The following GFRA1 variants were observed in gnomAD, a reference collection of about 807,000 sequenced individuals.
The protein encoded by GFRA1 is GDNF family receptor alpha 1, also known as GDNF family receptor alpha-1.
In GFRA1, 16 loss-of-function variants were observed where a neutral mutation model predicts 51.6. The ratio of observed to expected loss-of-function variants is 0.31; its 90% CI spans 0.21 to 0.47. The LOEUF is 0.47. Ranked by LOEUF, GFRA1 falls within the 20% of genes least tolerant of loss-of-function variation. The pLI is 1.00. For missense variants in GFRA1, 530 were observed against 594.3 expected, an observed-to-expected ratio of 0.89 and a Z score of 1.13; for synonymous variants, 270 against 241.3, an observed-to-expected ratio of 1.12 and a Z score of -1.10.
chr10:116,230,788 A>G (rs755321444), intron 4 of GFRA1, among the ~76,000 whole-genome samples: 1 of 152,156 alleles, frequency 6.6e-6, no homozygotes, highest in Non-Finnish European at 1.5e-5. Flanking sequence ...TATCAAAGCT[A>G]TCAGTGAGTA....
At chr10:116,221,721 G>GT (rs1965939311) in intron 4 of GFRA1, among the ~76,000 whole-genome samples, 1 of 151,978 alleles carries the variant, frequency 6.6e-6, no homozygotes, top group Non-Finnish European at 1.5e-5. Flanking sequence ...CACCGCACCT[G>GT]GTCTGTGTTC....
At chr10:116,092,540 C>T (rs899390794) in intron 8 of GFRA1, among the ~76,000 whole-genome samples, 5 of 152,072 alleles carry the variant, frequency 3.3e-5, no homozygotes, top group Non-Finnish European at 7.4e-5. Context: ...AAACTTAGTG[C>T]ACCCCTCCCA....
At chr10:116,219,073 C>A (rs1448762163) in intron 4 of GFRA1, among the ~76,000 whole-genome samples, 1 of 152,038 alleles carries the variant, frequency 6.6e-6, no homozygotes. Flanking sequence ...CTACCAACAT[C>A]AATCTTGGGC....
At chr10:116,236,625 C>T (rs76032417) in intron 4 of GFRA1, among the ~76,000 whole-genome samples, 1,922 of 152,278 alleles carry the variant, frequency 0.013, 35 homozygotes, top group African/African-American at 0.043. Context: ...ATGTGTCTCT[C>T]ATATGAGGGA....
chr10:116,097,831 AC>A (rs1400426548), intron 6 of GFRA1, among the ~76,000 whole-genome samples: 1 of 152,096 alleles, frequency 6.6e-6, no homozygotes, highest in Non-Finnish European at 1.5e-5. Flanking sequence ...CACCTAAGAG[AC>A]TGTATTTTCT....
chr10:116,211,513 G>A lies in GFRA1; in HGVS notation c.433+118C>T, dbSNP rs960381858. ...CACTGTCCTCATGGTGTCCCTGAGGGCCTAAATGACATGTCCATAGAGAAC... is the reference window on the plus strand; with the variant it reads ...CACTGTCCTCATGGTGTCCCTGAGGACCTAAATGACATGTCCATAGAGAAC... On this transcript the variant is annotated intron_variant, in intron 5 of 10. Transcript: ENST00000355422. 15 of 910,460 alleles carry A rather than the reference G, an allele frequency of 1.6e-5. No individual in the cohort carries two copies. In the African/African-American group the frequency reaches 2.1e-4, roughly 13 times the overall value. The allele number at this position is 910,460 out of a possible 1,614,324, so 56.4% of individuals were successfully genotyped here.
At chr10:116,172,162 G>A (rs77809789) in intron 5 of GFRA1, among the ~76,000 whole-genome samples, 3,300 of 152,210 alleles carry the variant, frequency 0.022, 117 homozygotes, top group African/African-American at 0.074. Context: ...GCTGGAGGAC[G>A]AGCAGGAGCC....
rs1042427719 is a variant in GFRA1 at position 116,161,704 on chromosome 10, G to A, written c.434-36147C>T. ...AGTTCTCTTGCTTGCCGCCATGGAA[G>A]ACGTCCCTTTGTTCTTCCTTCATCT... On this transcript the variant is annotated intron_variant, in intron 5 of 10. Transcript: ENST00000355422. 2.0e-5 allele frequency among the ~76,000 whole-genome samples: 3 copies of A among 152,178 alleles called. No homozygotes were observed. In the East Asian group the frequency reaches 5.8e-4, roughly 29 times the overall value.
chr10:116,139,031 C>T (rs1958452082), intron 5 of GFRA1, among the ~76,000 whole-genome samples: 1 of 152,178 alleles, frequency 6.6e-6, no homozygotes, highest in Non-Finnish European at 1.5e-5. Context: ...GTAAATTCAG[C>T]AGTATTCTCG....
chr10:116,202,720 TACTC>T (rs954065050), intron 5 of GFRA1, among the ~76,000 whole-genome samples: 2 of 152,154 alleles, frequency 1.3e-5, no homozygotes, highest in South Asian at 2.1e-4. Flanking sequence ...CGTGAGAACT[TACTC>T]ACTATCATGA....
At chr10:116,147,710 C>A (rs1349676257) in intron 5 of GFRA1, among the ~76,000 whole-genome samples, 2 of 152,044 alleles carry the variant, frequency 1.3e-5, no homozygotes, top group East Asian at 3.9e-4. Context: ...AACCACAGAG[C>A]CATCTCTGAA....
chr10:116,184,005 A>C (rs4579856), intron 5 of GFRA1, among the ~76,000 whole-genome samples: 45,122 of 152,230 alleles, frequency 0.3, 6,751 homozygotes, highest in Admixed American at 0.36. Context: ...GCTTGGGAGC[A>C]CTCCAGGGCA....
intron 4 of GFRA1, among the ~76,000 whole-genome samples, chr10:116,215,281 G>C (rs947908559): frequency 6.6e-6 from 1 of 152,134 alleles, no homozygotes; most frequent in East Asian, 1.9e-4. Context: ...TGTTCTGTTG[G>C]CTACATTTTA....
At chr10:116,133,535 C>CA (rs1220555721) in intron 5 of GFRA1, among the ~76,000 whole-genome samples, 2 of 152,230 alleles carry the variant, frequency 1.3e-5, no homozygotes, top group African/African-American at 4.8e-5. Context: ...GCTTTCCCCC[C>CA]ATGGGCATCA....
At chr10:116,218,758 C>T (rs973886252) in intron 4 of GFRA1, among the ~76,000 whole-genome samples, 10 of 152,278 alleles carry the variant, frequency 6.6e-5, no homozygotes, top group African/African-American at 1.9e-4. Flanking sequence ...GGCCTCACTC[C>T]GCATCTCCAG....
At chr10:116,221,411 A>AAG (rs1177441735) in intron 4 of GFRA1, among the ~76,000 whole-genome samples, 2 of 152,156 alleles carry the variant, frequency 1.3e-5, no homozygotes, top group African/African-American at 4.8e-5. Context: ...CCAGAGAGAG[A>AAG]AGAGAATTCA....
chr10:116,262,564 A>C (rs7920266), intron 4 of GFRA1, among the ~76,000 whole-genome samples: 94,424 of 151,920 alleles, frequency 0.62, 29,690 homozygotes, highest in Non-Finnish European at 0.69. Flanking sequence ...TATATAGGAA[A>C]AATTGGAAAA....
intron 4 of GFRA1, among the ~76,000 whole-genome samples, chr10:116,245,699 G>C (rs569087784): frequency 6.6e-6 from 1 of 152,194 alleles, no homozygotes; most frequent in East Asian, 1.9e-4. Context: ...CCTTCAGTAA[G>C]TGAATTGGTA....
intron 4 of GFRA1, among the ~76,000 whole-genome samples, chr10:116,223,142 G>T (rs1157398260): frequency 6.6e-6 from 1 of 152,098 alleles, no homozygotes; most frequent in African/African-American, 2.4e-5. Flanking sequence ...AGAGGGTGCA[G>T]CAAAATATCA....
Sources: gnomAD v4.1 joint callset for allele counts (sites outside exome capture counted in the v4.1 genomes callset) on GRCh38, gnomAD v4.1.1 for gene constraint, MANE v1.5 for transcripts, NCBI Gene and HGNC (gene_info 2026-07-23, HGNC 2026-07-21) for gene names.